ADISSP: variants seen among roughly 807,000 people sequenced by gnomAD.
The protein encoded by ADISSP is adipose-secreted signaling protein.
the ADISSP span, among the ~76,000 whole-genome samples, chr20:3,757,860 A>G: frequency 6.6e-6 from 1 of 152,064 alleles, no homozygotes; most frequent in African/African-American, 2.4e-5. Context: ...GCCCCTTTTG[A>G]GCAGCGCAGC....
chr20:3,756,435 G>C, the ADISSP span, among the ~76,000 whole-genome samples: 1 of 92,074 alleles, frequency 1.1e-5, no homozygotes, highest in African/African-American at 3.6e-5. Flanking sequence ...AGGGGGGCTG[G>C]TGGGGGTGCC....
chr20:3,757,740 T>C, the ADISSP span, among the ~76,000 whole-genome samples: 7 of 152,194 alleles, frequency 4.6e-5, no homozygotes, highest in Non-Finnish European at 1.0e-4. Flanking sequence ...GCAATTCTTC[T>C]GCCTCAGCCT....
At chr20:3,765,748 G>A in the ADISSP span, among the ~76,000 whole-genome samples, 52 of 152,202 alleles carry the variant, frequency 3.4e-4, no homozygotes, top group East Asian at 0.01. Flanking sequence ...TCCCAAAGCA[G>A]CCAGGTCCCT....
the ADISSP span, chr20:3,760,207 A>G: frequency 3.2e-6 from 3 of 936,736 alleles, no homozygotes; most frequent in Non-Finnish European, 5.0e-6. Context: ...GGGAGTGGGG[A>G]GGGCAGGGGT....
chr20:3,754,217 A>C, the ADISSP span: 8 of 1,536,444 alleles, frequency 5.2e-6, 1 homozygote, highest in South Asian at 7.9e-5. Flanking sequence ...CATGCGGCCC[A>C]CTAAGGGGAC....
chr20:3,753,880 C>G, the ADISSP span: 1 of 612,146 alleles, frequency 1.6e-6, no homozygotes. Context: ...GAGAGGAGGA[C>G]GAGGGAGGGG....
chr20:3,755,997 C>T, the ADISSP span, among the ~76,000 whole-genome samples: 1 of 152,192 alleles, frequency 6.6e-6, no homozygotes, highest in Non-Finnish European at 1.5e-5. Flanking sequence ...CAGCAAGGCA[C>T]CACCCACTGC....
the ADISSP span, chr20:3,760,139 C>T: frequency 6.5e-7 from 1 of 1,527,144 alleles, no homozygotes. Context: ...CCAGACACCG[C>T]CACTCACGCT....
chr20:3,766,721 C>T, the ADISSP span, among the ~76,000 whole-genome samples: 1 of 152,166 alleles, frequency 6.6e-6, no homozygotes, highest in African/African-American at 2.4e-5. Context: ...GCTGCTGCCT[C>T]GTAGCTCAGG....
the ADISSP span, among the ~76,000 whole-genome samples, chr20:3,762,404 A>C: frequency 6.6e-6 from 1 of 152,128 alleles, no homozygotes; most frequent in African/African-American, 2.4e-5. Flanking sequence ...TGTTTTTGAG[A>C]CAGGGTCTCA....
chr20:3,764,589 C>A, the ADISSP span, among the ~76,000 whole-genome samples: 3 of 152,232 alleles, frequency 2.0e-5, no homozygotes, highest in African/African-American at 7.2e-5. Context: ...TTTTTGGAAT[C>A]CCCTTTCTCA....
At chr20:3,755,381 C>T in the ADISSP span, 3 of 1,302,804 alleles carry the variant, frequency 2.3e-6, no homozygotes, top group Middle Eastern at 1.9e-4. Context: ...ACTTGCTGAG[C>T]TGCCCATCCA....
chr20:3,754,033 C>T, the ADISSP span: 5 of 1,572,614 alleles, frequency 3.2e-6, no homozygotes, highest in Non-Finnish European at 4.4e-6. Context: ...GGCTGAGGGG[C>T]CCGGGGCAGG....
chr20:3,758,780 G>C, the ADISSP span: 3 of 1,098,082 alleles, frequency 2.7e-6, no homozygotes, highest in Non-Finnish European at 3.9e-6. This position sits in a 1 kb window ranked among gnomAD's most constrained non-coding sequence, Gnocchi z 5.5. Context: ...ACATCATCCA[G>C]CTCCCACTGG....
chr20:3,759,973 G>GCA, the ADISSP span: 392 of 1,354,386 alleles, frequency 2.9e-4, no homozygotes, highest in Non-Finnish European at 3.7e-4. The surrounding 1 kb of genome is among the most constrained non-coding windows in gnomAD (Gnocchi z 4.6). Context: ...ACTCACACAT[G>GCA]CACACACACA....
chr20:3,757,242 C>G, the ADISSP span, among the ~76,000 whole-genome samples: 2 of 151,908 alleles, frequency 1.3e-5, no homozygotes, highest in Admixed American at 1.3e-4. Flanking sequence ...CCCAGCTACT[C>G]TGGAGGCTGA....
the ADISSP span, among the ~76,000 whole-genome samples, chr20:3,763,921 G>C: frequency 6.6e-6 from 1 of 152,338 alleles, no homozygotes; most frequent in South Asian, 2.1e-4. Context: ...GGTGTTCACA[G>C]TTTGGGTACC....
At chr20:3,755,611 C>T in the ADISSP span, 7 of 1,589,246 alleles carry the variant, frequency 4.4e-6, no homozygotes, top group South Asian at 1.1e-5. Flanking sequence ...AGCCAACCTA[C>T]AGCAGGAGAG....
chr20:3,760,105 G>A, the ADISSP span: 1,792 of 1,609,428 alleles, frequency 1.1e-3, 2 homozygotes, highest in Admixed American at 1.4e-3. Flanking sequence ...AGCCATGGAC[G>A]CCCTCCCTGC....
Sources: gnomAD v4.1 joint callset for allele counts (sites outside exome capture counted in the v4.1 genomes callset) on GRCh38, gnomAD v4.1.1 for gene constraint, Gnocchi (gnomAD v3.1) non-coding constraint, MANE v1.5 for transcripts, NCBI Gene and HGNC (gene_info 2026-07-23, HGNC 2026-07-21) for gene names.